Variants in ZBTB20 observed in about 807,000 individuals in gnomAD.
ZBTB20 encodes zinc finger and BTB domain containing 20, also known as zinc finger and BTB domain-containing protein 20.
In ZBTB20, 9 loss-of-function variants were observed where a neutral mutation model predicts 56.9. The ratio of observed to expected loss-of-function variants is 0.16; its 90% confidence interval spans 0.10 to 0.28. The LOEUF (loss-of-function observed/expected upper bound fraction) is 0.28, where lower values mean the gene tolerates loss of function less well. Among genes scored for constraint, ZBTB20 ranks in the 10% least tolerant of loss-of-function variants. ZBTB20 has a pLI of 1.00. For synonymous variants in ZBTB20, 417 were observed against 420.7 expected, an observed-to-expected ratio of 0.99 and a Z score of 0.11; for missense variants, 655 against 1,003.0, an observed-to-expected ratio of 0.65 and a Z score of 4.69.
chr3:115,086,839 G>T (rs1044863112), intron 1 of ZBTB20, among the ~76,000 whole-genome samples: 1 of 151,764 alleles, frequency 6.6e-6, no homozygotes, highest in Non-Finnish European at 1.5e-5. Context: ...TCTGGTAACC[G>T]AGTAAAACTC....
intron 6 of ZBTB20, among the ~76,000 whole-genome samples, chr3:114,595,570 A>G (rs781107840): frequency 1.3e-5 from 2 of 152,198 alleles, no homozygotes; most frequent in Non-Finnish European, 2.9e-5. Flanking sequence ...CAATGAGTCC[A>G]GGGAAGAGGC....
At chr3:114,746,587 A>G (rs1278904294) in intron 5 of ZBTB20, among the ~76,000 whole-genome samples, 2 of 152,152 alleles carry the variant, frequency 1.3e-5, no homozygotes, top group African/African-American at 2.4e-5. Flanking sequence ...TATCCACACT[A>G]CAGCTTGAAA....
intron 3 of ZBTB20, among the ~76,000 whole-genome samples, chr3:114,967,098 A>C (rs9876704): frequency 0.6 from 91,044 of 151,966 alleles, 30,165 homozygotes; most frequent in Non-Finnish European, 0.76. Flanking sequence ...TGGTTGTGTA[A>C]CCTTGAAGAT....
intron 3 of ZBTB20, among the ~76,000 whole-genome samples, chr3:114,935,388 G>GAAATTCC (rs1442398734): frequency 6.6e-6 from 1 of 152,110 alleles, no homozygotes; most frequent in Non-Finnish European, 1.5e-5. Context: ...TAAAGACATT[G>GAAATTCC]AAATTCCACT....
intron 3 of ZBTB20, among the ~76,000 whole-genome samples, chr3:114,922,256 T>C (rs1384696893): frequency 1.3e-5 from 2 of 152,166 alleles, no homozygotes; most frequent in Non-Finnish European, 1.5e-5. Flanking sequence ...AAGCATTTCC[T>C]CTAAGATTAG....
At chr3:115,098,147 G>A (rs1320853827) in intron 1 of ZBTB20, among the ~76,000 whole-genome samples, 1 of 152,038 alleles carries the variant, frequency 6.6e-6, no homozygotes, top group Non-Finnish European at 1.5e-5. Flanking sequence ...TAAAAATATT[G>A]TATCTGAAAA....
chr3:114,995,686 G>A (rs184244237), intron 2 of ZBTB20, among the ~76,000 whole-genome samples: 1 of 151,786 alleles, frequency 6.6e-6, no homozygotes, highest in African/African-American at 2.4e-5. Flanking sequence ...TAATACCATA[G>A]TATGATAGAA....
At chr3:115,120,202 T>C (rs546683959) in intron 1 of ZBTB20, among the ~76,000 whole-genome samples, 1 of 152,244 alleles carries the variant, frequency 6.6e-6, no homozygotes, top group Non-Finnish European at 1.5e-5. Context: ...TGTAGAAACG[T>C]AGTTCATCAA....
At chr3:114,531,002 T>C (rs1398913438) in intron 6 of ZBTB20, among the ~76,000 whole-genome samples, 2 of 152,214 alleles carry the variant, frequency 1.3e-5, no homozygotes, top group African/African-American at 4.8e-5. Context: ...AGTCATCTTA[T>C]CTAGTCTTAT....
At chr3:114,587,357 G>GTACA (rs1383221772) in intron 6 of ZBTB20, among the ~76,000 whole-genome samples, 5 of 152,102 alleles carry the variant, frequency 3.3e-5, no homozygotes, top group African/African-American at 4.8e-5. Flanking sequence ...AGACACAGAT[G>GTACA]TACACTATCT....
At chr3:114,395,841 A>G (rs1397538278) in intron 7 of ZBTB20, among the ~76,000 whole-genome samples, 1 of 152,160 alleles carries the variant, frequency 6.6e-6, no homozygotes, top group Non-Finnish European at 1.5e-5. Flanking sequence ...GTCACATTAA[A>G]TCTATGTTAA....
At chr3:115,046,078 A>G (rs1359872860) in intron 2 of ZBTB20, among the ~76,000 whole-genome samples, 2 of 152,194 alleles carry the variant, frequency 1.3e-5, no homozygotes, top group Admixed American at 6.5e-5. Flanking sequence ...TCAGAAAATC[A>G]TGACATACTT....
intron 6 of ZBTB20, among the ~76,000 whole-genome samples, chr3:114,648,375 A>T (rs1344121251): frequency 6.6e-6 from 1 of 151,962 alleles, no homozygotes; most frequent in African/African-American, 2.4e-5. Context: ...AGATTTAATG[A>T]GCTAAGTGTC....
intron 5 of ZBTB20, among the ~76,000 whole-genome samples, chr3:114,773,436 G>GA (rs1353743128): frequency 6.6e-6 from 1 of 152,120 alleles, no homozygotes; most frequent in East Asian, 1.9e-4. Context: ...TATGAAAAAA[G>GA]AAAGTTCTTA....
At chr3:114,919,718 A>T (rs1265561433) in intron 3 of ZBTB20, among the ~76,000 whole-genome samples, 1 of 151,904 alleles carries the variant, frequency 6.6e-6, no homozygotes, top group East Asian at 1.9e-4. Context: ...AAAAAAAAAG[A>T]ACTACAAAAC....
At chr3:115,051,431 G>C (rs2081543786) in intron 2 of ZBTB20, among the ~76,000 whole-genome samples, 1 of 152,028 alleles carries the variant, frequency 6.6e-6, no homozygotes, top group Non-Finnish European at 1.5e-5. Context: ...ATGATAGATG[G>C]GTAGGAGTTT....
At chr3:114,443,621 T>A (rs1683636265) in intron 7 of ZBTB20, among the ~76,000 whole-genome samples, 1 of 152,182 alleles carries the variant, frequency 6.6e-6, no homozygotes, top group African/African-American at 2.4e-5. Flanking sequence ...CAAAAATCAT[T>A]GTGTTCATTG....
At chr3:114,673,570 A>G (rs2108190155) in intron 6 of ZBTB20, among the ~76,000 whole-genome samples, 1 of 152,308 alleles carries the variant, frequency 6.6e-6, no homozygotes, top group East Asian at 1.9e-4. Context: ...AAAAAGGGAA[A>G]CAAAGGGTGA....
chr3:114,621,566 G>T (rs942659119), intron 6 of ZBTB20, among the ~76,000 whole-genome samples: 3 of 152,064 alleles, frequency 2.0e-5, no homozygotes, highest in Non-Finnish European at 4.4e-5. Flanking sequence ...AAATAAGAAA[G>T]AACAATTTCT....
Sources: gnomAD v4.1 joint callset for allele counts (sites outside exome capture counted in the v4.1 genomes callset) on GRCh38, gnomAD v4.1.1 for gene constraint, MANE v1.5 for transcripts, NCBI Gene and HGNC (gene_info 2026-07-23, HGNC 2026-07-21) for gene names.